Variants in THSD1 observed in about 807,000 individuals in gnomAD.
THSD1 encodes thrombospondin type 1 domain containing 1, also known as thrombospondin type-1 domain-containing protein 1.
THSD1 carries 34 observed loss-of-function variants against 46.3 expected under a neutral mutation model. The observed-to-expected ratio is 0.74, with a 90% CI of 0.56 to 0.98. THSD1 has a LOEUF of 0.98. Among genes scored for constraint, THSD1 ranks in the 50% least tolerant of loss-of-function variants. The pLI is 0.00. For missense variants in THSD1, 1,023 were observed against 1,058.3 expected (o/e 0.97, Z 0.46); for synonymous variants, 407 against 416.5 (o/e 0.98, Z 0.28).
At chr13:52,394,484 C>T (rs1444571383) in intron 3 of THSD1, among the ~76,000 whole-genome samples, 3 of 151,868 alleles carry the variant, frequency 2.0e-5, no homozygotes, top group South Asian at 2.1e-4. Context: ...CATGGTGGGG[C>T]GCATCTATAA....
rs1369419067 is a variant in THSD1 at position 52,378,475 on chromosome 13, T to G, written c.1495A>C (p.Arg499=). ...PGDTGIPLTY[R]RSGPVPPEDD... ...TCGGGAGGTACCGGCCCGCTCCGCC[T>G]GTAGGTCAGAGGGATGCCTGTGTCC... Residue 499 remains arginine (R), a synonymous_variant, in exon 5 of 5, where the codon AGG becomes CGG. Coordinates refer to ENST00000258613, the MANE Select transcript of THSD1 (RefSeq NM_018676.4). 5.0e-6 allele frequency: 8 copies of G among 1,614,098 alleles called. No individual in the cohort carries two copies. Among genetic ancestry groups the G allele is most frequent in the Non-Finnish European group, 6.8e-6 (8 of 1,180,046 alleles).
chr13:52,385,710 T>A (rs530124354), intron 4 of THSD1, among the ~76,000 whole-genome samples: 1 of 151,534 alleles, frequency 6.6e-6, no homozygotes, highest in South Asian at 2.1e-4. Context: ...CAAAAAAATC[T>A]TATGAAGAAA....
At chr13:52,384,561 G>A (rs556541352) in intron 4 of THSD1, among the ~76,000 whole-genome samples, 13 of 152,342 alleles carry the variant, frequency 8.5e-5, no homozygotes, top group Admixed American at 7.8e-4. Context: ...TGAGCCTTAA[G>A]TGAGATAATG....
At position 52,397,743 on chromosome 13, in the gene THSD1, G is replaced by A; in HGVS notation, c.510C>T (p.Ile170=). 1.2e-6 allele frequency: 2 copies of A among 1,614,228 alleles called. No individual in the cohort carries two copies. Among genetic ancestry groups the A allele is most frequent in the Middle Eastern group, 1.6e-4 (1 of 6,062 alleles). ...VDKPNIVVDV[I]FTNSLPEARR... ...TTGCCTCAGGAAGACTGTTGGTGAA[G>A]ATGACATCCACTACGATGTTGGGCT... Residue 170 remains isoleucine, a synonymous_variant, in exon 3 of 5, where the codon ATC becomes ATT. Coordinates refer to ENST00000258613, the MANE Select transcript of THSD1 (RefSeq NM_018676.4).
intron 2 of THSD1, among the ~76,000 whole-genome samples, chr13:52,401,044 G>A (rs1004674863): frequency 6.6e-6 from 1 of 151,938 alleles, no homozygotes; most frequent in Admixed American, 6.6e-5. Flanking sequence ...GCATGATCTC[G>A]GCTCACCACA....
intron 3 of THSD1, among the ~76,000 whole-genome samples, chr13:52,387,896 A>G (rs796346671): frequency 2.0e-5 from 3 of 152,328 alleles, no homozygotes; most frequent in African/African-American, 7.2e-5. Context: ...GACACAATAA[A>G]TAAGTCCAAG....
At chr13:52,386,277 A>C in intron 3 of THSD1, 91 bp from the exon 4 acceptor site, 52 of 1,383,790 alleles carry the variant, frequency 3.8e-5, no homozygotes, top group Non-Finnish European at 4.7e-5. Flanking sequence ...CTCAAATCTC[A>C]GGTCTTGAAA....
At chr13:52,385,101 G>T (rs1957721186) in intron 4 of THSD1, among the ~76,000 whole-genome samples, 2 of 152,080 alleles carry the variant, frequency 1.3e-5, no homozygotes. Flanking sequence ...TGGGCTAAAA[G>T]GTACTCTGAG....
At position 52,378,272 on chromosome 13, in the gene THSD1, C is replaced by T. The variant is rs753100705; in HGVS notation, c.1698G>A (p.Ala566=). 7.8e-5 allele frequency: 126 copies of T among 1,614,032 alleles called. No homozygotes were observed. The highest frequency in any genetic ancestry group is 1.6e-4 in the Middle Eastern group (1 of 6,084). The part of the protein sequence containing the change: ...QSPLTDTAID[A]APSAPLDLES... ...CCAAATCTAAGGGAGCGCTGGGGGC[C>T]GCATCAATGGCAGTGTCTGTCAGGG... The change falls in exon 5 of 5, where the codon GCG becomes GCA. Residue 566 remains alanine, a synonymous_variant. Transcript: ENST00000258613.
intron 4 of THSD1, among the ~76,000 whole-genome samples, chr13:52,382,163 A>G (rs1375139668): frequency 6.6e-6 from 1 of 152,150 alleles, no homozygotes; most frequent in Non-Finnish European, 1.5e-5. Flanking sequence ...CACGACCTCC[A>G]TCTCAAAATG....
At chr13:52,387,192 C>T (rs774383424) in intron 3 of THSD1, among the ~76,000 whole-genome samples, 12 of 152,168 alleles carry the variant, frequency 7.9e-5, no homozygotes, top group African/African-American at 2.4e-4. Context: ...TGGAGGAAAC[C>T]CCTATAGTCA....
At position 52,405,451 on chromosome 13, in the gene THSD1, A is replaced by C. The variant is rs140044623; in HGVS notation, c.-82+580T>G. 4.6e-5 allele frequency among the ~76,000 whole-genome samples: 7 copies of C among 152,290 alleles called. No individual in the cohort carries two copies. The East Asian group carries it at 1.4e-3, about 29-fold the overall frequency. On this transcript the variant is annotated intron_variant, in intron 1 of 4. Transcript: ENST00000258613. ...ATACCAATAGTATTTATTGGGAGGA[A>C]ATCTCTAGTTCTAAAGCAGCTCGTG... is the stretch of plus-strand genomic sequence containing the variant.
intron 4 of THSD1, 55 bp downstream of exon 4, chr13:52,385,973 T>A: frequency 3.9e-6 from 6 of 1,553,032 alleles, no homozygotes; most frequent in Non-Finnish European, 4.4e-6. Flanking sequence ...GGGTTCAATA[T>A]TCCTTCTGAT....
At position 52,386,182 on chromosome 13, in the gene THSD1, A is replaced by G. The variant is rs575619618; in HGVS notation, c.1026T>C (p.Thr342=). Residue 342 remains threonine, a synonymous_variant, in exon 4 of 5, where the codon ACT becomes ACC. Transcript: ENST00000258613. ...GGCTCCATGGCTGCCACAGTCCCCAAGTTTCTGCAAGGATATAAGTTATGC... is the reference window on the plus strand; with the variant it reads ...GGCTCCATGGCTGCCACAGTCCCCAGGTTTCTGCAAGGATATAAGTTATGC... ...ECMLIQRNTE[T]WGLWQPWSQC... is the part of the protein sequence containing the mutation. The G allele has an allele frequency of 2.5e-6, 4 of 1,614,010 alleles. No homozygotes were observed. The highest frequency in any genetic ancestry group is 2.2e-5 in the East Asian group (1 of 44,890).
chr13:52,378,053 C>A lies in THSD1; in HGVS notation c.1917G>T (p.Pro639=). 6.2e-7 allele frequency: 1 copy of A among 1,614,138 alleles called. No homozygotes were observed. Among genetic ancestry groups the A allele is most frequent in the African/African-American group, 1.3e-5 (1 of 75,038 alleles). ...QARHVGSRGG[P]SERSHARNAH... ...CGTTCCTGGCATGGCTCCTTTCGGA[C>A]GGGCCCCCTCTGCTGCCCACGTGCC... Residue 639 remains proline, a synonymous_variant, in exon 5 of 5, where the codon CCG becomes CCT. Coordinates refer to ENST00000258613, the MANE Select transcript of THSD1 (RefSeq NM_018676.4).
intron 1 of THSD1, among the ~76,000 whole-genome samples, chr13:52,403,713 C>T (rs1006692164): frequency 2.0e-4 from 31 of 152,170 alleles, no homozygotes; most frequent in African/African-American, 6.7e-4. Context: ...CTCCTGACCT[C>T]GTGATCTGCC....
chr13:52,392,402 C>T (rs971441597), intron 3 of THSD1, among the ~76,000 whole-genome samples: 4 of 152,024 alleles, frequency 2.6e-5, no homozygotes, highest in African/African-American at 7.2e-5. Context: ...CTGAGATCTC[C>T]GCTAATAACT....
intron 3 of THSD1, among the ~76,000 whole-genome samples, chr13:52,390,366 T>C (rs1294217285): frequency 6.6e-6 from 1 of 152,140 alleles, no homozygotes; most frequent in Admixed American, 6.5e-5. Context: ...AGTGGTGCAA[T>C]CTTTGGAGTG....
intron 4 of THSD1, among the ~76,000 whole-genome samples, chr13:52,382,483 A>G (rs1482563655): frequency 6.6e-6 from 1 of 152,150 alleles, no homozygotes; most frequent in Non-Finnish European, 1.5e-5. Flanking sequence ...CACAGGTCCC[A>G]ACCTTCAAGG....
Sources: allele counts gnomAD v4.1 joint callset (sites outside exome capture counted in the v4.1 genomes callset), GRCh38; gene constraint gnomAD v4.1.1; transcripts MANE v1.5; gene names NCBI Gene and HGNC (gene_info 2026-07-23, HGNC 2026-07-21).